The following HCFC2 variants were observed in gnomAD, a reference collection of about 807,000 sequenced individuals.
HCFC2 encodes host cell factor C2.
HCFC2 carries 18 observed loss-of-function variants against 89.2 expected under a neutral mutation model. The ratio of observed to expected loss-of-function variants is 0.20; its 90% CI spans 0.14 to 0.30. HCFC2 has a LOEUF of 0.30. HCFC2 is among the 10% of genes least tolerant of loss of function. The probability of loss-of-function intolerance (pLI) is 1.00; values close to 1 mark genes in which losing one functional copy is unlikely to be tolerated. For missense variants in HCFC2, 578 were observed against 956.1 expected, an observed-to-expected ratio of 0.60 and a Z score of 5.21; for synonymous variants, 308 against 335.7, an observed-to-expected ratio of 0.92 and a Z score of 0.90.
intron 5 of HCFC2, 122 bp downstream of exon 5, chr12:104,080,952 G>T (rs187256907): frequency 1.1e-4 from 66 of 594,190 alleles, no homozygotes; most frequent in Middle Eastern, 7.6e-4. Context: ...AAGTTTGATT[G>T]TGCTGACTGA....
intron 3 of HCFC2, among the ~76,000 whole-genome samples, chr12:104,078,604 T>A (rs1207164459): frequency 6.6e-6 from 1 of 152,216 alleles, no homozygotes; most frequent in Non-Finnish European, 1.5e-5. Flanking sequence ...TTAGTATGCC[T>A]CATTTATCCA....
chr12:104,080,937 TAACA>T, intron 5 of HCFC2, 107 bp downstream of exon 5: 1 of 673,870 alleles, frequency 1.5e-6, no homozygotes, highest in Non-Finnish European at 2.5e-6. Flanking sequence ...TTATGAAACT[TAACA>T]AAGTTTGATT....
chr12:104,094,265 G>C (rs936819572), intron 10 of HCFC2, among the ~76,000 whole-genome samples: 1 of 152,160 alleles, frequency 6.6e-6, no homozygotes, highest in Non-Finnish European at 1.5e-5. Context: ...GAAATTAAGA[G>C]TATTTAAATG....
intron 9 of HCFC2, among the ~76,000 whole-genome samples, chr12:104,092,499 G>A (rs1284092454): frequency 2.6e-5 from 4 of 151,958 alleles, no homozygotes; most frequent in Non-Finnish European, 4.4e-5. Flanking sequence ...TAGGCCAGGC[G>A]CTGTGGCTCA....
Position 104,096,356 on chromosome 12 carries a change from T to G in HCFC2, c.1667-4T>G, listed in dbSNP as rs766754362. The G allele has an allele frequency of 1.9e-6, 3 of 1,581,062 alleles. No individual in the cohort carries two copies. The highest frequency in any genetic ancestry group is 1.7e-5 in the Admixed American group (1 of 59,330). ...TCTTATCTGATAAATTGTTTAATTT[T>G]TAGTTGATGAAACATATGCACTGCC... On this transcript the variant is annotated splice_region_variant and splice_polypyrimidine_tract_variant and intron_variant, in intron 11 of 14. Transcript: ENST00000229330.
intron 3 of HCFC2, among the ~76,000 whole-genome samples, chr12:104,069,310 A>G (rs1566224163): frequency 6.6e-6 from 1 of 151,924 alleles, no homozygotes; most frequent in Non-Finnish European, 1.5e-5. Flanking sequence ...TATCTTAAAA[A>G]AACAAACAAA....
intron 8 of HCFC2, among the ~76,000 whole-genome samples, chr12:104,087,245 T>C (rs1883880389): frequency 6.6e-6 from 1 of 151,212 alleles, no homozygotes. Context: ...TCCCAGCTAC[T>C]TGGGAGGCTG....
chr12:104,102,859 A>G, intron 14 of HCFC2, 100 bp from the exon 15 acceptor site: 1 of 1,023,520 alleles, frequency 9.8e-7, no homozygotes, highest in Non-Finnish European at 1.4e-6. Context: ...TTATTTTAGT[A>G]AAAATGAACA....
At chr12:104,071,857 G>A (rs553957938) in intron 3 of HCFC2, among the ~76,000 whole-genome samples, 5 of 152,246 alleles carry the variant, frequency 3.3e-5, no homozygotes, top group Admixed American at 6.5e-5. Context: ...CCATCCTAGC[G>A]GGAGTAAAGT....
chr12:104,088,957 C>CTACTTTAAACTATCGTAGCT (rs1179001308), intron 9 of HCFC2, among the ~76,000 whole-genome samples: 1 of 152,144 alleles, frequency 6.6e-6, no homozygotes, highest in African/African-American at 2.4e-5. Context: ...CTAGAAGCAA[C>CTACTTTAAACTATCGTAGCT]TACTTTAAAC....
In HCFC2 at chr12:104,079,562, A is replaced by G; in HGVS notation, c.591A>G (p.Ile197Met). ...PSPRESHTAV[I>M]YCKKDSGSPK... Reference sequence around the variant, plus strand: ...CAAGAGAATCCCACACAGCTGTTATATATTGCAAAAAAGATTCTGGAAGTC... The same window carrying G: ...CAAGAGAATCCCACACAGCTGTTATGTATTGCAAAAAAGATTCTGGAAGTC... The change falls in exon 4 of 15, where the codon ATA (isoleucine) becomes ATG (methionine). Residue 197 changes from isoleucine (I) to methionine (M), a missense_variant. Coordinates refer to ENST00000229330, the MANE Select transcript of HCFC2 (RefSeq NM_013320.3). 1.9e-6 allele frequency: 3 copies of G among 1,614,120 alleles called. No individual in the cohort carries two copies. The highest frequency in any genetic ancestry group is 2.5e-6 in the Non-Finnish European group (3 of 1,179,972).
chr12:104,092,678 G>T (rs899538931), intron 9 of HCFC2, among the ~76,000 whole-genome samples: 1 of 152,072 alleles, frequency 6.6e-6, no homozygotes, highest in Admixed American at 6.6e-5. Flanking sequence ...GGAGACTGAG[G>T]CAGCAGAATT....
chr12:104,085,120 T>C (rs762133454), intron 7 of HCFC2, among the ~76,000 whole-genome samples: 14 of 152,220 alleles, frequency 9.2e-5, no homozygotes, highest in Non-Finnish European at 1.9e-4. Context: ...TTCAAAATTA[T>C]AAATAGAAAA....
intron 7 of HCFC2, among the ~76,000 whole-genome samples, chr12:104,084,406 C>T (rs1358564374): frequency 1.3e-5 from 2 of 152,012 alleles, no homozygotes; most frequent in African/African-American, 2.4e-5. Context: ...AGGAGCTACC[C>T]ACATAAAAAG....
intron 1 of HCFC2, chr12:104,065,021 A>C: frequency 3.2e-6 from 1 of 310,560 alleles, no homozygotes; most frequent in Non-Finnish European, 5.9e-6. Flanking sequence ...GCGACAGAAG[A>C]CCATGTCCAA....
intron 3 of HCFC2, among the ~76,000 whole-genome samples, chr12:104,071,125 CAT>C (rs904149521): frequency 4.6e-5 from 7 of 152,158 alleles, no homozygotes; most frequent in Non-Finnish European, 7.4e-5. Flanking sequence ...ACTTTCAACA[CAT>C]GTCTTTTAAA....
chr12:104,090,107 T>C (rs1263288785), intron 9 of HCFC2, among the ~76,000 whole-genome samples: 1 of 152,192 alleles, frequency 6.6e-6, no homozygotes, highest in Non-Finnish European at 1.5e-5. Flanking sequence ...TATTTTCCTT[T>C]ATTTCGTTGC....
rs1227118714 is a variant in HCFC2, at chr12:104,092,235, AG to A, written c.1285-1149del. ...ATAATCCCAACATTTTGGGAGGCCA[AG>A]GTGGTAGATCCTTCAGCTCAGGAGT... On this transcript the variant is annotated intron_variant, in intron 9 of 14. Transcript: ENST00000229330. 3.3e-5 allele frequency among the ~76,000 whole-genome samples: 5 copies of A among 152,306 alleles called. No individual in the cohort carries two copies. In the East Asian group the frequency reaches 9.6e-4, roughly 29 times the overall value.
rs1049590630 is a variant in HCFC2, at chr12:104,102,060, T to C, written c.1971T>C (p.Asn657=). Residue 657 remains asparagine, a synonymous_variant, in exon 14 of 15, where the codon AAT becomes AAC. Coordinates refer to ENST00000229330, the MANE Select transcript of HCFC2 (RefSeq NM_013320.3). ...TGYRFRVAAI[N]GCGIGPFSKI... ...ACAGATTCAGGGTTGCTGCAATCAA[T>C]GGTTGTGGGATAGGTCCTTTCAGCA... 2 of 1,613,994 alleles carry C rather than the reference T, an allele frequency of 1.2e-6. No homozygotes were observed. The highest frequency in any genetic ancestry group is 2.7e-5 in the African/African-American group (2 of 74,932).
Sources: allele counts gnomAD v4.1 joint callset (sites outside exome capture counted in the v4.1 genomes callset), GRCh38; gene constraint gnomAD v4.1.1; transcripts MANE v1.5; gene names NCBI Gene and HGNC (gene_info 2026-07-23, HGNC 2026-07-21).